Variants in HSD17B12 observed in about 807,000 individuals in gnomAD.
HSD17B12 encodes hydroxysteroid 17-beta dehydrogenase 12.
A neutral mutation model predicts 39.3 loss-of-function variants in HSD17B12; 32 were observed. The observed-to-expected ratio is 0.81, with a 90% CI of 0.61 to 1.09. The LOEUF is 1.09. HSD17B12 is among the 50% of genes least tolerant of loss of function. HSD17B12 has a pLI of 0.00. For synonymous variants in HSD17B12, 150 were observed against 146.7 expected (o/e 1.02, Z -0.16); for missense variants, 342 against 382.9 (o/e 0.89, Z 0.89).
the HSD17B12 span, among the ~76,000 whole-genome samples, chr11:43,570,890 C>T: frequency 2.6e-5 from 4 of 152,206 alleles, no homozygotes; most frequent in African/African-American, 4.8e-5. Flanking sequence ...AGTCTCTCTT[C>T]TCATGACAAG....
intron 2 of HSD17B12, among the ~76,000 whole-genome samples, chr11:43,753,744 A>T (rs920699818): frequency 6.6e-6 from 1 of 151,992 alleles, no homozygotes; most frequent in African/African-American, 2.4e-5. Flanking sequence ...TTTTTAAATT[A>T]TAGAAGTGGT....
the HSD17B12 span, among the ~76,000 whole-genome samples, chr11:43,574,833 G>A: frequency 2.6e-5 from 4 of 152,356 alleles, no homozygotes; most frequent in East Asian, 1.9e-4. Flanking sequence ...TCCTGATAAT[G>A]TCGCTGGAGA....
At chr11:43,802,690 G>A (rs1950983305) in intron 4 of HSD17B12, among the ~76,000 whole-genome samples, 1 of 152,148 alleles carries the variant, frequency 6.6e-6, no homozygotes, top group Admixed American at 6.5e-5. Flanking sequence ...GGCTAGGGGA[G>A]GGTAGTTCTA....
At chr11:43,633,383 T>C in the HSD17B12 span, among the ~76,000 whole-genome samples, 2 of 151,754 alleles carry the variant, frequency 1.3e-5, no homozygotes, top group African/African-American at 4.8e-5. Context: ...AATACAAAAA[T>C]TAGCAGGGTG....
chr11:43,657,698 A>T, the HSD17B12 span, among the ~76,000 whole-genome samples: 4 of 152,186 alleles, frequency 2.6e-5, no homozygotes, highest in Non-Finnish European at 4.4e-5. Flanking sequence ...TGGGTTGAAA[A>T]TTCTTTCCTT....
the HSD17B12 span, among the ~76,000 whole-genome samples, chr11:43,665,078 T>C: frequency 1.3e-5 from 2 of 152,138 alleles, no homozygotes; most frequent in Non-Finnish European, 2.9e-5. Flanking sequence ...GTAATATACA[T>C]GATAATGTAA....
the HSD17B12 span, among the ~76,000 whole-genome samples, chr11:43,597,677 G>A: frequency 2.6e-5 from 4 of 152,012 alleles, no homozygotes; most frequent in African/African-American, 9.7e-5. Context: ...ACGAAGTCTC[G>A]CTCTGTCACC....
the HSD17B12 span, chr11:43,646,252 CT>C: frequency 6.6e-6 from 1 of 152,182 alleles, no homozygotes; most frequent in South Asian, 2.1e-4. Context: ...GATTGATAGG[CT>C]AATATTGTTG....
chr11:43,749,249 A>G (rs1950443540), intron 1 of HSD17B12, among the ~76,000 whole-genome samples: 1 of 152,152 alleles, frequency 6.6e-6, no homozygotes, highest in Admixed American at 6.5e-5. Flanking sequence ...AAGGGAAGAA[A>G]GGGGAGAGGG....
the HSD17B12 span, among the ~76,000 whole-genome samples, chr11:43,578,430 T>C: frequency 6.6e-6 from 1 of 152,100 alleles, no homozygotes; most frequent in Non-Finnish European, 1.5e-5. Context: ...TCTCGGAAGG[T>C]TCCCTGACTG....
At chr11:43,839,927 G>T in intron 8 of HSD17B12, 72 bp from the exon 9 acceptor site, 3 of 1,198,222 alleles carry the variant, frequency 2.5e-6, no homozygotes, top group Non-Finnish European at 2.5e-6. Flanking sequence ...TTATTATTTT[G>T]TTTCCATGGC....
At chr11:43,625,027 C>T in the HSD17B12 span, among the ~76,000 whole-genome samples, 1 of 151,686 alleles carries the variant, frequency 6.6e-6, no homozygotes, top group African/African-American at 2.4e-5. Context: ...AATTTTAATA[C>T]TGCTCTACAT....
chr11:43,766,285 T>C (rs1178659494), intron 3 of HSD17B12, among the ~76,000 whole-genome samples: 1 of 152,184 alleles, frequency 6.6e-6, no homozygotes, highest in Non-Finnish European at 1.5e-5. Context: ...TGAATTCCTC[T>C]TCTCCTCATA....
Position 43,680,879 on chromosome 11 carries a change from A to C in HSD17B12, c.52A>C (p.Thr18Pro). 1 of 1,613,922 alleles carries C rather than the reference A, an allele frequency of 6.2e-7. No homozygotes were observed. Among genetic ancestry groups the C allele is most frequent in the Non-Finnish European group, 8.5e-7 (1 of 1,179,984 alleles). Residue 18 changes from threonine to proline, a missense_variant, in exon 1 of 11, where the codon ACC becomes CCC. Thr to Pro is a conservative substitution (Grantham distance 38, BLOSUM62 -1). Transcript: ENST00000278353. ...AGFLYWVGAG[T>P]VAYLALRISY... is the part of the protein sequence containing the mutation. The stretch of plus-strand genomic sequence containing the variant: ...CTTCCTGTACTGGGTCGGCGCGGGC[A>C]CCGTGGCCTACCTAGCCCTGCGTAT...
the HSD17B12 span, among the ~76,000 whole-genome samples, chr11:43,606,059 A>G: frequency 2.0e-5 from 3 of 152,244 alleles, no homozygotes; most frequent in Non-Finnish European, 4.4e-5. Context: ...AAGACTCTTC[A>G]AGGTCATTGA....
intron 6 of HSD17B12, chr11:43,830,351 A>G (rs1951295395): frequency 6.6e-6 from 1 of 152,170 alleles, no homozygotes; most frequent in Non-Finnish European, 1.5e-5. Flanking sequence ...AGCCCCTCTC[A>G]TTATATGTAT....
At chr11:43,828,959 C>T (rs190498565) in intron 6 of HSD17B12, among the ~76,000 whole-genome samples, 22 of 152,210 alleles carry the variant, frequency 1.4e-4, no homozygotes, top group African/African-American at 5.3e-4. Context: ...TTTATTGTGA[C>T]TTATAATCTG....
At chr11:43,742,139 A>ATATAT (rs61178234) in intron 1 of HSD17B12, among the ~76,000 whole-genome samples, 293 of 123,474 alleles carry the variant, frequency 2.4e-3, no homozygotes, top group Non-Finnish European at 3.9e-3. Context: ...ATATATATAT[A>ATATAT]TTTTTTTTTT....
At chr11:43,674,309 T>C in the HSD17B12 span, among the ~76,000 whole-genome samples, 2 of 152,184 alleles carry the variant, frequency 1.3e-5, no homozygotes, top group African/African-American at 4.8e-5. Context: ...TTCGTAAAAT[T>C]TATTCAGCGA....
Sources: allele counts gnomAD v4.1 joint callset (sites outside exome capture counted in the v4.1 genomes callset), GRCh38; gene constraint gnomAD v4.1.1; transcripts MANE v1.5; gene names NCBI Gene and HGNC (gene_info 2026-07-23, HGNC 2026-07-21).